Variants in RMDN3 observed in about 807,000 individuals in gnomAD.
RMDN3 encodes regulator of microtubule dynamics 3, also known as regulator of microtubule dynamics protein 3.
Under a neutral mutation model 61.8 loss-of-function variants are expected in RMDN3, and 41 were observed. That is an observed-to-expected ratio of 0.66 (90% confidence interval 0.52 to 0.86). RMDN3 has a LOEUF of 0.86. RMDN3 is among the 40% of genes least tolerant of loss of function. The pLI, the probability that RMDN3 is intolerant of heterozygous loss-of-function variation, is 0.00. For synonymous variants in RMDN3, 247 were observed against 232.0 expected, an observed-to-expected ratio of 1.06 and a Z score of -0.59; for missense variants, 557 against 585.3, an observed-to-expected ratio of 0.95 and a Z score of 0.50.
chr15:40,741,620 A>AGTTTTTTTTTTTT (rs1897282575), intron 6 of RMDN3, among the ~76,000 whole-genome samples: 1 of 71,722 alleles, frequency 1.4e-5, no homozygotes, highest in Non-Finnish European at 2.5e-5. Flanking sequence ...GCAACATAGG[A>AGTTTTTTTTTTTT]TTTTTTTTTT....
intron 4 of RMDN3, among the ~76,000 whole-genome samples, chr15:40,746,439 C>T (rs1897563091): frequency 6.6e-6 from 1 of 151,740 alleles, no homozygotes; most frequent in Non-Finnish European, 1.5e-5. Flanking sequence ...TGGGCGTGAA[C>T]CCGGGAGGCA....
In RMDN3 at chr15:40,740,345, G is replaced by A. The variant is rs74011880; in HGVS notation, c.911-152C>T. 8.4e-3 allele frequency: 5,697 copies of A among 677,916 alleles called. 241 individuals carry two copies. In the African/African-American group the frequency reaches 0.091, roughly 11 times the overall value. 42.0% of individuals were successfully genotyped at this position (677,916 alleles called of 1,614,324 possible). A position where few individuals can be genotyped will look rare whatever the true frequency, so the allele number is the denominator to read the frequency against. On this transcript the variant is annotated intron_variant, in intron 6 of 12. Transcript: ENST00000338376. ...GTTGTGAACTTGAGCAGAATGAAAG[G>A]CCGCAAAGAAGCCAGTCACAGTGGC...
At chr15:40,746,464 CGGA>C (rs1897564520) in intron 4 of RMDN3, among the ~76,000 whole-genome samples, 1 of 146,230 alleles carries the variant, frequency 6.8e-6, no homozygotes, top group African/African-American at 2.6e-5. Context: ...TTGCAGTGAG[CGGA>C]GATCACACCA....
intron 10 of RMDN3, 31 bp from the exon 11 acceptor site, chr15:40,737,372 G>C: frequency 1.3e-6 from 2 of 1,598,054 alleles, no homozygotes; most frequent in Non-Finnish European, 1.7e-6. Flanking sequence ...ATTTCAGTAA[G>C]AGGTTCCTAT....
At chr15:40,749,030 G>A (rs7176245) in intron 4 of RMDN3, among the ~76,000 whole-genome samples, 97,599 of 151,826 alleles carry the variant, frequency 0.64, 31,972 homozygotes, top group East Asian at 0.93. Context: ...CCGCCTCCTA[G>A]GTAGCTGGGA....
chr15:40,751,722 C>T (rs1897831716), intron 3 of RMDN3, 153 bp from the exon 4 acceptor site: 2 of 1,190,308 alleles, frequency 1.7e-6, no homozygotes, highest in South Asian at 2.5e-5. Flanking sequence ...GCAAGCAGGG[C>T]AGCTTCCTGG....
intron 4 of RMDN3, 54 bp downstream of exon 4, chr15:40,751,372 T>G: frequency 6.3e-7 from 1 of 1,590,072 alleles, no homozygotes; most frequent in Non-Finnish European, 8.6e-7. Context: ...GATAATACTT[T>G]TACAAAACAC....
intron 9 of RMDN3, 119 bp downstream of exon 9, chr15:40,737,846 G>A (rs1367930260): frequency 1.6e-5 from 23 of 1,431,296 alleles, no homozygotes; most frequent in Non-Finnish European, 2.0e-5. Flanking sequence ...AATAATACGA[G>A]CATTCAGAAG....
intron 6 of RMDN3, among the ~76,000 whole-genome samples, chr15:40,742,745 C>T (rs1437912122): frequency 6.6e-6 from 1 of 152,160 alleles, no homozygotes; most frequent in Non-Finnish European, 1.5e-5. Flanking sequence ...CCACTGCCTC[C>T]ACTTCTGTCT....
At chr15:40,737,254 C>T in intron 11 of RMDN3, 34 bp downstream of exon 11, 2 of 1,611,928 alleles carry the variant, frequency 1.2e-6, no homozygotes, top group Non-Finnish European at 1.7e-6. Flanking sequence ...TCAGGAGTTC[C>T]CAGATCTATG....
chr15:40,751,418 C>A lies in RMDN3; in HGVS notation c.524+8G>T, dbSNP rs200096905. The A allele has an allele frequency of 3.7e-6, 6 of 1,613,456 alleles. No individual in the cohort carries two copies. The highest frequency in any genetic ancestry group is 3.3e-5 in the South Asian group (3 of 91,068). On this transcript the variant is annotated splice_region_variant and intron_variant, in intron 4 of 12. Coordinates refer to ENST00000338376, the MANE Select transcript of RMDN3 (RefSeq NM_018145.3). ...TAGCCATAACTGCCTCCAAGAGAGA[C>A]AACTCACCCCCCTTCACTCTCAGCA... is the stretch of plus-strand genomic sequence containing the variant.
chr15:40,752,209 C>T, intron 2 of RMDN3, 31 bp from the exon 3 acceptor site: 14 of 1,601,366 alleles, frequency 8.7e-6, no homozygotes, highest in South Asian at 1.1e-5. Context: ...GAGCCAGTGA[C>T]ACACAGGAAT....
At chr15:40,754,960 A>C (rs1897984468) in intron 1 of RMDN3, 123 bp downstream of exon 1, 1 of 596,674 alleles carries the variant, frequency 1.7e-6, no homozygotes, top group African/African-American at 1.9e-5. Context: ...CTGAACCCTA[A>C]GGCTTCCTCC....
At chr15:40,752,271 T>C in intron 2 of RMDN3, 93 bp from the exon 3 acceptor site, 1 of 1,325,676 alleles carries the variant, frequency 7.5e-7, no homozygotes. Flanking sequence ...TGCTTTCCAT[T>C]GGAAGAGAAG....
intron 5 of RMDN3, among the ~76,000 whole-genome samples, chr15:40,744,635 GGA>G (rs1312566189): frequency 6.6e-6 from 1 of 151,240 alleles, no homozygotes; most frequent in Non-Finnish European, 1.5e-5. Flanking sequence ...AGGGAAATGA[GGA>G]GAAAAAAAAA....
intron 4 of RMDN3, among the ~76,000 whole-genome samples, chr15:40,750,221 T>TG (rs1897759307): frequency 1.4e-5 from 2 of 146,722 alleles, no homozygotes; most frequent in South Asian, 4.5e-4. Context: ...TTTTTTTTTT[T>TG]TTTTTTTTTT....
At chr15:40,738,411 G>A (rs114812520) in intron 8 of RMDN3, 90 bp downstream of exon 8, 14 of 1,188,624 alleles carry the variant, frequency 1.2e-5, no homozygotes, top group East Asian at 2.4e-5. Context: ...AAGTCACTGA[G>A]GCTGTAGAAA....
chr15:40,740,852 G>A (rs981925146), intron 6 of RMDN3, among the ~76,000 whole-genome samples: 11 of 152,146 alleles, frequency 7.2e-5, no homozygotes, highest in South Asian at 4.1e-4. Flanking sequence ...TTGGAAGGCC[G>A]AGGTGGGTGG....
At chr15:40,739,924 C>T (rs754134425) in intron 7 of RMDN3, among the ~76,000 whole-genome samples, 4 of 152,256 alleles carry the variant, frequency 2.6e-5, no homozygotes, top group Non-Finnish European at 4.4e-5. Context: ...TTGTATTCCC[C>T]GCTTGCCTCA....
Sources: allele counts gnomAD v4.1 joint callset (sites outside exome capture counted in the v4.1 genomes callset), GRCh38; gene constraint gnomAD v4.1.1; transcripts MANE v1.5; gene names NCBI Gene and HGNC (gene_info 2026-07-23, HGNC 2026-07-21).